The following CALN1 variants were observed in gnomAD, a reference collection of about 807,000 sequenced individuals.
CALN1 encodes the protein calneuron 1.
In CALN1, 17 loss-of-function variants were observed where a neutral mutation model predicts 30.6. The ratio of observed to expected loss-of-function variants is 0.56; its 90% CI spans 0.38 to 0.83. The LOEUF is 0.83. Among genes scored for constraint, CALN1 ranks in the 40% least tolerant of loss-of-function variants. The probability of loss-of-function intolerance (pLI) is 0.00; values close to 1 mark genes in which losing one functional copy is unlikely to be tolerated. For synonymous variants in CALN1, 156 were observed against 131.4 expected, an observed-to-expected ratio of 1.19 and a Z score of -1.28; for missense variants, 291 against 354.9, an observed-to-expected ratio of 0.82 and a Z score of 1.45.
intron 4 of CALN1, among the ~76,000 whole-genome samples, chr7:72,031,468 T>C (rs1473060562): frequency 6.6e-6 from 1 of 152,176 alleles, no homozygotes; most frequent in Non-Finnish European, 1.5e-5. Flanking sequence ...TTCCACATCT[T>C]ATCAATGAGA....
At position 71,779,840 on chromosome 7, in the gene CALN1, C is replaced by T. The variant is rs894710860; in HGVS notation, c.*7935G>A. 3 of 152,090 alleles carry T rather than the reference C, an allele frequency of 2.0e-5. No homozygotes were observed. The highest frequency in any genetic ancestry group is 7.2e-5 in the African/African-American group (3 of 41,400). 9.4% of individuals were successfully genotyped at this position (152,090 alleles called of 1,614,324 possible). A position where few individuals can be genotyped will look rare whatever the true frequency, so the allele number is the denominator to read the frequency against. The stretch of plus-strand genomic sequence containing the variant: ...TGGGAAGATGGTGATTGATGAGTTC[C>T]GTCTTAGTGGCTTATTCTGGATATG... On this transcript the variant is annotated 3_prime_UTR_variant, in exon 7 of 7. Transcript: ENST00000395275.
intron 5 of CALN1, among the ~76,000 whole-genome samples, chr7:71,967,575 G>A (rs1372212114): frequency 4.1e-5 from 6 of 148,072 alleles, no homozygotes; most frequent in East Asian, 2.0e-4. Context: ...GCAGTGACCC[G>A]TGATCGTGTC....
At chr7:72,344,747 A>G (rs1481710966) in intron 2 of CALN1, among the ~76,000 whole-genome samples, 2 of 147,468 alleles carry the variant, frequency 1.4e-5, no homozygotes, top group African/African-American at 4.9e-5. Flanking sequence ...AATGGAATAT[A>G]AATGGCTTTT....
chr7:72,108,585 T>A (rs1807339103), intron 3 of CALN1, among the ~76,000 whole-genome samples: 1 of 152,244 alleles, frequency 6.6e-6, no homozygotes, highest in South Asian at 2.1e-4. Context: ...ATTTCTATGT[T>A]ATCTACTGTT....
intron 6 of CALN1, among the ~76,000 whole-genome samples, chr7:71,807,716 A>T (rs1304772224): frequency 6.6e-6 from 1 of 151,640 alleles, no homozygotes; most frequent in Non-Finnish European, 1.5e-5. Flanking sequence ...GAGGAGGGGG[A>T]ATCACTTGAG....
the CALN1 span, among the ~76,000 whole-genome samples, chr7:72,501,106 T>C: frequency 4.6e-5 from 7 of 152,056 alleles, no homozygotes; most frequent in Non-Finnish European, 8.8e-5. Flanking sequence ...AGAAGAGCTT[T>C]AGTGATACAA....
chr7:72,469,706 T>A, the CALN1 span, among the ~76,000 whole-genome samples: 1 of 152,214 alleles, frequency 6.6e-6, no homozygotes, highest in East Asian at 1.9e-4. Context: ...GCCGGTTTAT[T>A]TCTGAACTCT....
intron 5 of CALN1, among the ~76,000 whole-genome samples, chr7:71,963,549 C>A (rs1797369104): frequency 6.6e-6 from 1 of 152,106 alleles, no homozygotes; most frequent in Non-Finnish European, 1.5e-5. Flanking sequence ...AAATGATCCG[C>A]CCACCTTGGC....
chr7:71,804,309 GA>G (rs1381588347), intron 6 of CALN1, among the ~76,000 whole-genome samples: 2 of 152,238 alleles, frequency 1.3e-5, no homozygotes, highest in African/African-American at 4.8e-5. Context: ...ATGAGTTCAA[GA>G]ACAGGCTGGG....
chr7:71,836,817 T>C (rs1309548868), intron 5 of CALN1, among the ~76,000 whole-genome samples: 14 of 151,552 alleles, frequency 9.2e-5, no homozygotes. Flanking sequence ...GGGGTTTCAC[T>C]ATGTTGGCCA....
chr7:72,053,428 T>C (rs1224689011), intron 4 of CALN1, among the ~76,000 whole-genome samples: 1 of 152,176 alleles, frequency 6.6e-6, no homozygotes, highest in African/African-American at 2.4e-5. Context: ...ACATACCCAG[T>C]AATGGGAGTG....
intron 2 of CALN1, among the ~76,000 whole-genome samples, chr7:72,377,628 T>TCAGAGAAG: frequency 6.6e-6 from 1 of 152,314 alleles, no homozygotes. Flanking sequence ...CTGAACTAAT[T>TCAGAGAAG]TTGTAAAGTC....
At chr7:72,319,656 T>C (rs1301222613) in intron 2 of CALN1, among the ~76,000 whole-genome samples, 1 of 152,208 alleles carries the variant, frequency 6.6e-6, no homozygotes, top group African/African-American at 2.4e-5. Context: ...CAGAATACTA[T>C]TTGGTTTCCA....
At chr7:72,071,858 G>C (rs1424801031) in intron 4 of CALN1, among the ~76,000 whole-genome samples, 1 of 152,162 alleles carries the variant, frequency 6.6e-6, no homozygotes, top group Non-Finnish European at 1.5e-5. Flanking sequence ...CATGCTCAAA[G>C]AAGGAAGACA....
chr7:72,196,800 A>G (rs1017992782), intron 3 of CALN1, among the ~76,000 whole-genome samples: 1 of 152,042 alleles, frequency 6.6e-6, no homozygotes, highest in Admixed American at 6.6e-5. Flanking sequence ...TGAGTTAGAT[A>G]TTTTTATTCC....
upstream of CALN1, among the ~76,000 whole-genome samples, chr7:72,448,385 G>A (rs539264255): frequency 2.0e-5 from 3 of 152,270 alleles, no homozygotes; most frequent in South Asian, 6.2e-4. Flanking sequence ...TCTGTGTCAA[G>A]GACAGTTCCT....
chr7:72,241,975 T>G (rs1794869493), intron 3 of CALN1, among the ~76,000 whole-genome samples: 2 of 152,196 alleles, frequency 1.3e-5, no homozygotes. Context: ...TCCTCAGGAC[T>G]TTTTCATTAT....
Position 71,785,175 on chromosome 7 carries a change from G to T in CALN1, c.*2600C>A, listed in dbSNP as rs898597451. 12 of 291,648 alleles carry T rather than the reference G, an allele frequency of 4.1e-5. No individual in the cohort carries two copies. Among genetic ancestry groups the T allele is most frequent in the African/African-American group, 2.2e-4 (10 of 46,306 alleles). The allele number at this position is 291,648 out of a possible 1,614,324, so 18.1% of individuals were successfully genotyped here. Reference sequence around the variant, plus strand: ...GAAAGAATTCTGTGTCTTCCTTCTTGCCATCTCTCTCTAGCAGTCTGCAGA... The same window carrying T: ...GAAAGAATTCTGTGTCTTCCTTCTTTCCATCTCTCTCTAGCAGTCTGCAGA... On this transcript the variant is annotated 3_prime_UTR_variant, in exon 7 of 7. Transcript: ENST00000395275.
intron 1 of CALN1, among the ~76,000 whole-genome samples, chr7:72,445,240 GA>G (rs1808492466): frequency 1.3e-5 from 2 of 152,166 alleles, no homozygotes; most frequent in African/African-American, 4.8e-5. Context: ...CCTAGAAAGT[GA>G]AAGAAGGCTG....
Sources: allele counts gnomAD v4.1 joint callset (sites outside exome capture counted in the v4.1 genomes callset), GRCh38; gene constraint gnomAD v4.1.1; transcripts MANE v1.5; gene names NCBI Gene and HGNC (gene_info 2026-07-23, HGNC 2026-07-21).